The following ZNF322 variants were observed in gnomAD, a reference collection of about 807,000 sequenced individuals.
The protein encoded by ZNF322 is HLA complex group 12.
A neutral mutation model predicts 18.3 loss-of-function variants in ZNF322; 1 was observed. That is an observed-to-expected ratio of 0.05 (90% CI 0.02 to 0.26). The LOEUF (loss-of-function observed/expected upper bound fraction) is 0.26. Ranked by LOEUF, ZNF322 falls within the 10% of genes least tolerant of loss-of-function variation. The probability of loss-of-function intolerance (pLI) is 1.00; values close to 1 mark genes in which losing one functional copy is unlikely to be tolerated. For missense variants in ZNF322, 36 were observed against 403.6 expected (o/e 0.09, Z 7.80); for synonymous variants, 17 against 130.7 (o/e 0.13, Z 5.93).
At chr6:26,654,804 A>G (rs1212980345) in intron 2 of ZNF322, among the ~76,000 whole-genome samples, 2 of 152,196 alleles carry the variant, frequency 1.3e-5, no homozygotes, top group Non-Finnish European at 2.9e-5. Context: ...CAAGATATTT[A>G]CATAATCTGA....
In ZNF322 at chr6:26,636,646, G is replaced by A. The variant is rs1177508595; in HGVS notation, c.*699C>T. On this transcript the variant is annotated 3_prime_UTR_variant, in exon 4 of 4. Transcript: ENST00000415922. Reference sequence around the variant, plus strand: ...CTACCAAAGGTTTTCTCAGACTCAAGGTAAGTATGGGTTTTTTCACCTATG... The same window carrying A: ...CTACCAAAGGTTTTCTCAGACTCAAAGTAAGTATGGGTTTTTTCACCTATG... 1 of 141,930 alleles carries A rather than the reference G, an allele frequency of 7.0e-6. No homozygotes were observed. Among genetic ancestry groups the A allele is most frequent in the African/African-American group, 2.6e-5 (1 of 37,886 alleles). The allele number at this position is 141,930 out of a possible 1,614,324, so 8.8% of individuals were successfully genotyped here.
chr6:26,643,024 A>C (rs1554148452), intron 3 of ZNF322, among the ~76,000 whole-genome samples: 1 of 152,198 alleles, frequency 6.6e-6, no homozygotes, highest in East Asian at 1.9e-4. Flanking sequence ...CTTTCACAAT[A>C]GCCCAAGAGG....
chr6:26,653,374 T>C (rs1765708287), intron 2 of ZNF322, among the ~76,000 whole-genome samples: 1 of 152,170 alleles, frequency 6.6e-6, no homozygotes, highest in African/African-American at 2.4e-5. Context: ...TTTCTAGAAA[T>C]GGACTCTGAA....
At chr6:26,644,971 G>A (rs1441538327) in intron 2 of ZNF322, among the ~76,000 whole-genome samples, 5 of 151,836 alleles carry the variant, frequency 3.3e-5, no homozygotes, top group Non-Finnish European at 5.9e-5. Flanking sequence ...CCCTCCCCCC[G>A]CACCTTGCTA....
At position 26,649,683 on chromosome 6, in the gene ZNF322, A is replaced by T. The variant is rs1396569889; in HGVS notation, c.-245-5955T>A. ...TGTGTGTGTGTGTGTGTGTATATAT[A>T]TATATATATATATATATATTTTTTT... On this transcript the variant is annotated intron_variant, in intron 2 of 3. Transcript: ENST00000415922. 2.4e-3 allele frequency among the ~76,000 whole-genome samples: 70 copies of T among 29,096 alleles called. 1 individual carries two copies. Among genetic ancestry groups the T allele is most frequent in the African/African-American group, 9.2e-3 (63 of 6,828 alleles). 19.1% of individuals were successfully genotyped at this position (29,096 alleles called of 152,430 possible).
intron 3 of ZNF322, among the ~76,000 whole-genome samples, chr6:26,639,151 TA>T (rs1430017793): frequency 6.6e-6 from 1 of 152,180 alleles, no homozygotes; most frequent in Non-Finnish European, 1.5e-5. Context: ...GAGAGAAAAG[TA>T]AGGTTTCTAT....
intron 3 of ZNF322, among the ~76,000 whole-genome samples, chr6:26,640,600 TCA>T (rs1269305252): frequency 1.3e-5 from 2 of 152,174 alleles, no homozygotes; most frequent in Non-Finnish European, 1.5e-5. Flanking sequence ...CCCAGCTGAC[TCA>T]CAAAAACAAC....
intron 3 of ZNF322, among the ~76,000 whole-genome samples, chr6:26,642,901 ACAAT>A (rs1765490216): frequency 6.6e-6 from 1 of 152,112 alleles, no homozygotes; most frequent in Non-Finnish European, 1.5e-5. Flanking sequence ...CTCACACCTC[ACAAT>A]CAAGCCATCA....
chr6:26,639,900 G>A lies in ZNF322; in HGVS notation c.-175-1172C>T, dbSNP rs936200090. ...ACATCAACCAACCTCTTGTAAGTGT[G>A]GTCACGTACTGCATCTTTCCTTCAG... On this transcript the variant is annotated intron_variant, in intron 3 of 3. Coordinates refer to ENST00000415922, the MANE Select transcript of ZNF322 (RefSeq NM_024639.5). Among the ~76,000 whole-genome samples, 3 of 152,084 alleles carry A rather than the reference G, an allele frequency of 2.0e-5. No individual in the cohort carries two copies. The East Asian group carries it at 5.8e-4, about 29-fold the overall frequency.
At chr6:26,648,833 C>A (rs990077750) in intron 2 of ZNF322, among the ~76,000 whole-genome samples, 1 of 152,200 alleles carries the variant, frequency 6.6e-6, no homozygotes, top group Admixed American at 6.5e-5. Context: ...TAGAACAATT[C>A]AACATTATGA....
chr6:26,647,877 C>CTT (rs34835436), intron 2 of ZNF322, among the ~76,000 whole-genome samples: 5 of 142,718 alleles, frequency 3.5e-5, no homozygotes, highest in Non-Finnish European at 6.1e-5. Flanking sequence ...TCCAATATCG[C>CTT]TTTTTTTTTT....
At chr6:26,653,875 T>C (rs895918591) in intron 2 of ZNF322, among the ~76,000 whole-genome samples, 2 of 152,130 alleles carry the variant, frequency 1.3e-5, no homozygotes, top group East Asian at 1.9e-4. Context: ...ATGAATGAAC[T>C]AATGAACTAA....
intron 3 of ZNF322, among the ~76,000 whole-genome samples, chr6:26,639,494 GT>G: frequency 6.6e-6 from 1 of 152,134 alleles, no homozygotes; most frequent in East Asian, 1.9e-4. Context: ...GTAAAAAAAA[GT>G]TTTTTCCTCC....
intron 2 of ZNF322, among the ~76,000 whole-genome samples, chr6:26,649,650 T>C: frequency 2.4e-5 from 1 of 41,242 alleles, no homozygotes; most frequent in Non-Finnish European, 4.9e-5. Flanking sequence ...TGTGTGTGTG[T>C]GTGTGTGTGT....
intron 2 of ZNF322, among the ~76,000 whole-genome samples, chr6:26,653,160 A>G (rs1237944547): frequency 2.0e-5 from 3 of 152,196 alleles, no homozygotes; most frequent in Non-Finnish European, 2.9e-5. Flanking sequence ...TAATTTTTTA[A>G]AAGTACATGA....
In ZNF322 at chr6:26,638,713, C is replaced by T; in HGVS notation, c.-160G>A. ...CAGCATCATATATGTTAATTCCTTACTTGGTATTTCCAACCCTGTGAGACA... is the reference window on the plus strand; with the variant it reads ...CAGCATCATATATGTTAATTCCTTATTTGGTATTTCCAACCCTGTGAGACA... On this transcript the variant is annotated 5_prime_UTR_variant, in exon 4 of 4. Transcript: ENST00000415922. The T allele has an allele frequency of 1.0e-6, 1 of 966,036 alleles. No individual in the cohort carries two copies. Among genetic ancestry groups the T allele is most frequent in the Non-Finnish European group, 1.5e-6 (1 of 651,380 alleles). 59.8% of individuals were successfully genotyped at this position (966,036 alleles called of 1,614,324 possible). A position where few individuals can be genotyped will look rare whatever the true frequency, so the allele number is the denominator to read the frequency against.
At chr6:26,653,309 T>C (rs1400877020) in intron 2 of ZNF322, among the ~76,000 whole-genome samples, 1 of 152,166 alleles carries the variant, frequency 6.6e-6, no homozygotes, top group African/African-American at 2.4e-5. Context: ...CGGAGGGGAA[T>C]GTGGCAATAT....
intron 2 of ZNF322, among the ~76,000 whole-genome samples, chr6:26,650,815 C>T (rs1554149127): frequency 1.3e-5 from 2 of 152,222 alleles, no homozygotes; most frequent in African/African-American, 4.8e-5. Flanking sequence ...GGATATTCCA[C>T]ATCCATGGAT....
At chr6:26,649,673 GTGTATA>G (rs70981104) in intron 2 of ZNF322, among the ~76,000 whole-genome samples, 4,557 of 29,070 alleles carry the variant, frequency 0.16, 224 homozygotes, top group East Asian at 0.2. Flanking sequence ...GTGTGTGTGT[GTGTATA>G]TATATATATA....
Sources: gnomAD v4.1 joint callset for allele counts (sites outside exome capture counted in the v4.1 genomes callset) on GRCh38, gnomAD v4.1.1 for gene constraint, MANE v1.5 for transcripts, NCBI Gene and HGNC (gene_info 2026-07-23, HGNC 2026-07-21) for gene names.